The following KIF26B variants were observed in gnomAD, a reference collection of about 807,000 sequenced individuals.
KIF26B encodes kinesin family member 26B.
Under a neutral mutation model 151.2 loss-of-function variants are expected in KIF26B, and 63 were observed. That is an observed-to-expected ratio of 0.42 (90% CI 0.34 to 0.51). KIF26B has a LOEUF of 0.51. KIF26B is among the 20% of genes least tolerant of loss of function. The pLI, the probability that KIF26B is intolerant of heterozygous loss-of-function variation, is 0.07. For synonymous variants in KIF26B, 1,357 were observed against 1,262.1 expected, an observed-to-expected ratio of 1.08 and a Z score of -1.59; for missense variants, 2,813 against 2,913.6, an observed-to-expected ratio of 0.97 and a Z score of 0.79.
intron 2 of KIF26B, among the ~76,000 whole-genome samples, chr1:245,262,095 A>T (rs552532896): frequency 6.6e-6 from 1 of 152,308 alleles, no homozygotes; most frequent in East Asian, 1.9e-4. Flanking sequence ...CCATGCTGAC[A>T]CACAGATCGG....
At chr1:245,651,080 C>T (rs1465277421) in intron 10 of KIF26B, among the ~76,000 whole-genome samples, 1 of 152,192 alleles carries the variant, frequency 6.6e-6, no homozygotes, top group Non-Finnish European at 1.5e-5. Flanking sequence ...CCGCAGGCAA[C>T]ATCCACTTCC....
chr1:245,383,058 G>A (rs943720763), intron 3 of KIF26B, among the ~76,000 whole-genome samples: 1 of 149,908 alleles, frequency 6.7e-6, no homozygotes, highest in Admixed American at 6.7e-5. Flanking sequence ...TATATACAGA[G>A]AGAGAGAGAG....
At position 245,698,041 on chromosome 1, in the gene KIF26B, CAAAA is replaced by C; in HGVS notation, c.5825-61_5825-58del. On this transcript the variant is annotated intron_variant, in intron 12 of 14. Transcript: ENST00000407071. The surrounding 1 kb of genome is among the most constrained non-coding windows in gnomAD (Gnocchi z 4.0). ...TGGGCAACAGAGCAAGACCCTGTCT[CAAAA>C]AAACAACAAAAAAATTGAAATTCAG... is the stretch of plus-strand genomic sequence containing the variant. 6.8e-7 allele frequency: 1 copy of C among 1,480,576 alleles called. No individual in the cohort carries two copies. Among genetic ancestry groups the C allele is most frequent in the Non-Finnish European group, 9.2e-7 (1 of 1,092,804 alleles). 91.7% of individuals were successfully genotyped at this position (1,480,576 alleles called of 1,614,324 possible).
intron 9 of KIF26B, among the ~76,000 whole-genome samples, chr1:245,633,280 CTT>C (rs35311427): frequency 8.8e-4 from 121 of 137,348 alleles, no homozygotes; most frequent in Non-Finnish European, 8.8e-4. Flanking sequence ...ACAGTTGGGT[CTT>C]TTTTTTTTTT....
At chr1:245,588,111 G>A (rs770856806) in intron 5 of KIF26B, among the ~76,000 whole-genome samples, 5 of 152,160 alleles carry the variant, frequency 3.3e-5, no homozygotes, top group Non-Finnish European at 5.9e-5. Context: ...ATGCAGAGGG[G>A]ATTATCATTG....
chr1:245,303,302 C>G (rs531381617), intron 2 of KIF26B, among the ~76,000 whole-genome samples: 3 of 150,358 alleles, frequency 2.0e-5, no homozygotes, highest in African/African-American at 4.9e-5. Flanking sequence ...GGGTTCACGC[C>G]ATTCTCCTGC....
At position 245,686,930 on chromosome 1, in the gene KIF26B, C is replaced by T. The variant is rs752249113; in HGVS notation, c.3947C>T (p.Ser1316Leu). 1.1e-5 allele frequency: 18 copies of T among 1,613,090 alleles called. No homozygotes were observed. Among genetic ancestry groups the T allele is most frequent in the Middle Eastern group, 1.6e-4 (1 of 6,082 alleles). The change falls in exon 12 of 15, where the codon TCG becomes TTG. Residue 1316 changes from serine (S) to leucine (L), a missense_variant. This residue lies in a region of KIF26B where 2,060 missense variants were observed against 2,088.6 expected (regional missense o/e 0.99). Transcript: ENST00000407071. This position sits in a 1 kb window ranked among gnomAD's most constrained non-coding sequence, Gnocchi z 5.6. Reference protein sequence around the residue: ...HGEAMAEPVASEFVSSLQNTA... With the variant: ...HGEAMAEPVALEFVSSLQNTA... The stretch of plus-strand genomic sequence containing the variant: ...GAGGCAATGGCAGAACCTGTGGCCT[C>T]GGAGTTTGTCAGCAGCCTCCAGAAC...
At chr1:245,446,250 G>C (rs1337912205) in intron 4 of KIF26B, among the ~76,000 whole-genome samples, 2 of 152,128 alleles carry the variant, frequency 1.3e-5, no homozygotes, top group African/African-American at 4.8e-5. Flanking sequence ...ACATAAAGAA[G>C]GTATAGCAAA....
intron 5 of KIF26B, among the ~76,000 whole-genome samples, chr1:245,569,915 TG>T (rs2043049291): frequency 6.7e-6 from 1 of 148,536 alleles, no homozygotes; most frequent in African/African-American, 2.5e-5. Context: ...AAACCTACGT[TG>T]TAAATAGAGA....
chr1:245,590,257 C>T (rs1374554271), intron 5 of KIF26B, among the ~76,000 whole-genome samples: 1 of 150,028 alleles, frequency 6.7e-6, no homozygotes. Flanking sequence ...CGCGCATGCG[C>T]AGGGTCCCGG....
At chr1:245,406,739 C>G (rs1259735896) in intron 3 of KIF26B, among the ~76,000 whole-genome samples, 1 of 152,062 alleles carries the variant, frequency 6.6e-6, no homozygotes, top group Non-Finnish European at 1.5e-5. Flanking sequence ...GTCAAAAATT[C>G]CAAGCTCTTT....
chr1:245,182,920 G>A (rs1285804699), intron 2 of KIF26B, among the ~76,000 whole-genome samples: 1 of 152,206 alleles, frequency 6.6e-6, no homozygotes, highest in Non-Finnish European at 1.5e-5. Flanking sequence ...ATAGGCGTGA[G>A]CCACCACGCC....
intron 3 of KIF26B, among the ~76,000 whole-genome samples, chr1:245,398,723 T>G (rs1025438084): frequency 1.3e-5 from 2 of 151,648 alleles, no homozygotes; most frequent in South Asian, 2.1e-4. Context: ...CCTCAAAAAA[T>G]TATAAATTAT....
rs149625724 is a variant in KIF26B at position 245,564,770 on chromosome 1, G to C, written c.1350+23820G>C. Among the ~76,000 whole-genome samples, 1,549 of 152,264 alleles carry C rather than the reference G, an allele frequency of 0.01. 21 individuals are homozygous for C. The highest frequency in any genetic ancestry group is 0.036 in the African/African-American group (1,482 of 41,544). On this transcript the variant is annotated intron_variant, in intron 5 of 14. Coordinates refer to ENST00000407071, the MANE Select transcript of KIF26B (RefSeq NM_018012.4). This position sits in a 1 kb window ranked among gnomAD's most constrained non-coding sequence, Gnocchi z 4.6. ...CCACGGACCAAGGGTGGTGGTGGGG[G>C]ATGATGATTTCAGGAAGATTCCAGT...
intron 2 of KIF26B, among the ~76,000 whole-genome samples, chr1:245,173,972 A>T (rs1276946331): frequency 6.6e-6 from 1 of 152,238 alleles, no homozygotes; most frequent in Non-Finnish European, 1.5e-5. Flanking sequence ...CGGGCAGGGC[A>T]GTCGTCATCA....
intron 2 of KIF26B, among the ~76,000 whole-genome samples, chr1:245,261,095 C>CTTCCTTCCTTCCTTCCTCCG (rs1290144882): frequency 6.9e-6 from 1 of 145,326 alleles, no homozygotes; most frequent in East Asian, 2.1e-4. Context: ...TCCCTGCTTC[C>CTTCCTTCCTTCCTTCCTCCG]TTCCTTCCTT....
intron 5 of KIF26B, among the ~76,000 whole-genome samples, chr1:245,562,034 A>G (rs937998786): frequency 1.3e-5 from 2 of 152,056 alleles, no homozygotes; most frequent in East Asian, 1.9e-4. Context: ...TTTCATACCC[A>G]GATGACCTGG....
intron 2 of KIF26B, among the ~76,000 whole-genome samples, chr1:245,243,572 A>G (rs1670252727): frequency 6.6e-6 from 1 of 152,128 alleles, no homozygotes. Flanking sequence ...GTGTTTAAAG[A>G]GTCTTTTTAA....
At position 245,316,567 on chromosome 1, in the gene KIF26B, TA is replaced by T. The variant is rs1268443033; in HGVS notation, c.466-50266del. ...TTTTTTAATCATCATCGGCCTCTTTTATTTTTTTTCTGATAGAATGTGCTTT... is the reference window on the plus strand; with the variant it reads ...TTTTTTAATCATCATCGGCCTCTTTTTTTTTTTTCTGATAGAATGTGCTTT... On this transcript the variant is annotated intron_variant, in intron 2 of 14. Coordinates refer to ENST00000407071, the MANE Select transcript of KIF26B (RefSeq NM_018012.4). Among the ~76,000 whole-genome samples the T allele has an allele frequency of 4.6e-5, 7 of 151,668 alleles. No homozygotes were observed. In the East Asian group the frequency reaches 9.6e-4, roughly 21 times the overall value.
Sources: gnomAD v4.1 joint callset for allele counts (sites outside exome capture counted in the v4.1 genomes callset) on GRCh38, gnomAD v4.1.1 for gene constraint, gnomAD v4.1.1 regional missense constraint, Gnocchi (gnomAD v3.1) non-coding constraint, MANE v1.5 for transcripts, NCBI Gene and HGNC (gene_info 2026-07-23, HGNC 2026-07-21) for gene names.